PLSCR2: variants seen among roughly 807,000 people sequenced by gnomAD.
The protein encoded by PLSCR2 is PL scramblase 2.
Under a neutral mutation model 25.3 loss-of-function variants are expected in PLSCR2, and 18 were observed. That is an observed-to-expected ratio of 0.71 (90% CI 0.49 to 1.06). PLSCR2 has a LOEUF of 1.06. Ranked by LOEUF, PLSCR2 falls within the 50% of genes least tolerant of loss-of-function variation. The pLI is 0.00. For synonymous variants in PLSCR2, 88 were observed against 87.3 expected (o/e 1.01, Z -0.04); for missense variants, 243 against 269.5 (o/e 0.90, Z 0.69).
At chr3:146,404,829 G>GT (rs1407442868) in intron 2 of PLSCR2, among the ~76,000 whole-genome samples, 1 of 150,146 alleles carries the variant, frequency 6.7e-6, no homozygotes, top group African/African-American at 2.4e-5. Context: ...AAAGGGGGGG[G>GT]GTGGTGGTTA....
intron 2 of PLSCR2, among the ~76,000 whole-genome samples, chr3:146,411,566 T>C (rs2038852103): frequency 6.6e-6 from 1 of 152,202 alleles, no homozygotes; most frequent in South Asian, 2.1e-4. Context: ...CAAGACCGGC[T>C]CTTGCCCGGT....
chr3:146,445,428 T>C (rs2040491306), intron 6 of PLSCR2, among the ~76,000 whole-genome samples: 1 of 152,190 alleles, frequency 6.6e-6, no homozygotes, highest in Non-Finnish European at 1.5e-5. Context: ...TTTTGTTGGA[T>C]ATACTATTCT....
exon 2 of PLSCR2, chr3:146,459,857 G>A: frequency 6.2e-7 from 1 of 1,601,076 alleles, no homozygotes; most frequent in Non-Finnish European, 8.5e-7. Context: ...CCTGACTTAA[G>A]TATTCCAATC....
chr3:146,483,494 TATATATATATATATA>T (rs1246997922), intron 1 of PLSCR2, among the ~76,000 whole-genome samples: 11 of 114,444 alleles, frequency 9.6e-5, no homozygotes, highest in African/African-American at 3.3e-4. Flanking sequence ...TATATATATA[TATATATATATATATA>T]ATGTTACTAC....
chr3:146,403,253 C>A (rs2038541478), intron 2 of PLSCR2, among the ~76,000 whole-genome samples: 1 of 152,106 alleles, frequency 6.6e-6, no homozygotes, highest in African/African-American at 2.4e-5. Flanking sequence ...ATCTGTAGAG[C>A]TGTCTAATTC....
At chr3:146,471,330 T>C (rs1378846086) in intron 1 of PLSCR2, among the ~76,000 whole-genome samples, 1 of 152,242 alleles carries the variant, frequency 6.6e-6, no homozygotes, top group Non-Finnish European at 1.5e-5. Flanking sequence ...ATACCAATTC[T>C]AAATGTTTCC....
chr3:146,483,439 AT>A (rs1560054617), intron 1 of PLSCR2, among the ~76,000 whole-genome samples: 7 of 66,206 alleles, frequency 1.1e-4, no homozygotes, highest in African/African-American at 3.6e-4. Flanking sequence ...ATATATATAT[AT>A]ATACACATGT....
At chr3:146,404,516 T>C (rs2038583681) in intron 2 of PLSCR2, among the ~76,000 whole-genome samples, 1 of 152,176 alleles carries the variant, frequency 6.6e-6, no homozygotes. Flanking sequence ...TTTCAGCACA[T>C]GAAGTTTGGG....
intron 1 of PLSCR2, among the ~76,000 whole-genome samples, chr3:146,483,485 A>ATATATATATACATGTG: frequency 1.2e-5 from 1 of 85,634 alleles, no homozygotes; most frequent in South Asian, 4.0e-4. Context: ...ATGTGTATAT[A>ATATATATATACATGTG]TATATATATA....
intron 2 of PLSCR2, among the ~76,000 whole-genome samples, chr3:146,406,451 A>G (rs906594181): frequency 6.6e-6 from 1 of 152,174 alleles, no homozygotes; most frequent in Admixed American, 6.5e-5. Context: ...GTACACATAA[A>G]TCAACTGCAA....
chr3:146,435,805 T>G (rs1432522221), intron 8 of PLSCR2, among the ~76,000 whole-genome samples: 1 of 152,216 alleles, frequency 6.6e-6, no homozygotes, highest in Non-Finnish European at 1.5e-5. Context: ...TTTTGGCTTT[T>G]GTTGCCATTG....
At chr3:146,441,941 A>G (rs2040266177) in intron 6 of PLSCR2, 120 bp from the exon 7 acceptor site, 3 of 600,308 alleles carry the variant, frequency 5.0e-6, no homozygotes, top group South Asian at 2.3e-5. Context: ...AAAATTAACT[A>G]TAATAAGTAA....
downstream of PLSCR2, among the ~76,000 whole-genome samples, chr3:146,438,034 C>T (rs1012959470): frequency 6.6e-6 from 1 of 152,152 alleles, no homozygotes. Context: ...GTTATGTACC[C>T]AGTAGTCATT....
At chr3:146,423,240 T>C (rs1333507069) in intron 2 of PLSCR2, among the ~76,000 whole-genome samples, 1 of 64,542 alleles carries the variant, frequency 1.5e-5, no homozygotes, top group African/African-American at 6.4e-5. Context: ...AGTGCCTCTC[T>C]CTCTCTCTCT....
chr3:146,424,300 C>A (rs1020633493), intron 2 of PLSCR2, among the ~76,000 whole-genome samples: 1 of 151,972 alleles, frequency 6.6e-6, no homozygotes, highest in Non-Finnish European at 1.5e-5. Flanking sequence ...AAGACACTAA[C>A]CCTTTGGGAT....
chr3:146,470,505 G>A (rs1576709163), intron 1 of PLSCR2, among the ~76,000 whole-genome samples: 1 of 152,238 alleles, frequency 6.6e-6, no homozygotes, highest in East Asian at 1.9e-4. Flanking sequence ...TCGAGATCCA[G>A]CCACTACACT....
At chr3:146,406,373 G>T (rs752699073) in intron 2 of PLSCR2, among the ~76,000 whole-genome samples, 1 of 152,112 alleles carries the variant, frequency 6.6e-6, no homozygotes, top group Non-Finnish European at 1.5e-5. Context: ...CTGCAAGGTC[G>T]ATACTTCCTG....
chr3:146,457,835 T>C (rs552493890), intron 3 of PLSCR2, among the ~76,000 whole-genome samples: 23 of 152,328 alleles, frequency 1.5e-4, no homozygotes, highest in African/African-American at 5.5e-4. Context: ...GTATTCCTTC[T>C]ACATTAGAGT....
downstream of PLSCR2, among the ~76,000 whole-genome samples, chr3:146,438,593 C>A (rs546045937): frequency 6.6e-6 from 1 of 152,222 alleles, no homozygotes; most frequent in African/African-American, 2.4e-5. Context: ...TCTAGGATTG[C>A]AAACCCTGCT....
Sources: allele counts gnomAD v4.1 joint callset (sites outside exome capture counted in the v4.1 genomes callset), GRCh38; gene constraint gnomAD v4.1.1; transcripts MANE v1.5; gene names NCBI Gene and HGNC (gene_info 2026-07-23, HGNC 2026-07-21).